TSPAN9: variants seen among roughly 807,000 people sequenced by gnomAD.
TSPAN9 encodes the protein tetraspanin 9, also known as tetraspanin-9.
In TSPAN9, 16 loss-of-function variants were observed where a neutral mutation model predicts 31.0. That is an observed-to-expected ratio of 0.52 (90% confidence interval 0.35 to 0.78). The LOEUF is 0.78. Ranked by LOEUF, TSPAN9 falls within the 30% of genes least tolerant of loss-of-function variation. The pLI, the probability that TSPAN9 is intolerant of heterozygous loss-of-function variation, is 0.01. For synonymous variants in TSPAN9, 145 were observed against 121.6 expected (o/e 1.19, Z -1.27); for missense variants, 272 against 312.5 (o/e 0.87, Z 0.98).
intron 3 of TSPAN9, among the ~76,000 whole-genome samples, chr12:3,258,503 A>G (rs1175129893): frequency 6.6e-6 from 1 of 152,194 alleles, no homozygotes; most frequent in Non-Finnish European, 1.5e-5. Context: ...GTCTTCTGGC[A>G]GCAATGAAGA....
At chr12:3,139,930 A>G (rs2098333980) in intron 2 of TSPAN9, among the ~76,000 whole-genome samples, 1 of 152,146 alleles carries the variant, frequency 6.6e-6, no homozygotes, top group Admixed American at 6.5e-5. Flanking sequence ...CGTTGCACCC[A>G]CGTGGCCTCC....
intron 2 of TSPAN9, among the ~76,000 whole-genome samples, chr12:3,181,871 G>A (rs1051379688): frequency 5.9e-5 from 9 of 152,076 alleles, no homozygotes; most frequent in Non-Finnish European, 8.8e-5. Flanking sequence ...CACCTGCAGC[G>A]TCCCATGGGT....
intron 2 of TSPAN9, among the ~76,000 whole-genome samples, chr12:3,092,743 C>T (rs942086134): frequency 2.6e-5 from 4 of 152,220 alleles, no homozygotes; most frequent in African/African-American, 4.8e-5. Context: ...TTGGATGTCC[C>T]CGTAAGGACA....
chr12:3,253,631 C>T (rs541936772), intron 3 of TSPAN9, among the ~76,000 whole-genome samples: 11 of 152,338 alleles, frequency 7.2e-5, no homozygotes, highest in African/African-American at 2.2e-4. Context: ...AGCGATCAGC[C>T]CAGGTCCACT....
intron 4 of TSPAN9, 63 bp downstream of exon 4, chr12:3,278,675 G>A (rs1862841094): frequency 6.4e-7 from 1 of 1,568,180 alleles, no homozygotes; most frequent in African/African-American, 1.4e-5. Context: ...GGACCCCTGG[G>A]ACAGGCAAGA....
intron 2 of TSPAN9, among the ~76,000 whole-genome samples, chr12:3,111,905 C>G (rs1054812199): frequency 7.2e-5 from 11 of 152,180 alleles, no homozygotes; most frequent in Non-Finnish European, 1.0e-4. Flanking sequence ...AGCCACTGCA[C>G]TCAGCTGCAT....
At chr12:3,158,889 G>A (rs2098343692) in intron 2 of TSPAN9, among the ~76,000 whole-genome samples, 1 of 151,864 alleles carries the variant, frequency 6.6e-6, no homozygotes, top group Non-Finnish European at 1.5e-5. Context: ...GGATTAGCTG[G>A]AGTGCCAGCT....
Position 3,147,553 on chromosome 12 carries a change from G to A in TSPAN9, c.-17-53624G>A, listed in dbSNP as rs1480731793. 1.3e-5 allele frequency among the ~76,000 whole-genome samples: 2 copies of A among 152,014 alleles called. No homozygotes were observed. The highest frequency in any genetic ancestry group is 2.4e-5 in the African/African-American group (1 of 41,296). ...GCCACCTAGGGCCTGTTCTGCCCCC[G>A]AAGAGAGAGAACCAGCCAGCCCAGT... is the stretch of plus-strand genomic sequence containing the variant. On this transcript the variant is annotated intron_variant, in intron 2 of 8. Transcript: ENST00000011898. The surrounding 1 kb of genome is among the most constrained non-coding windows in gnomAD (Gnocchi z 4.3).
intron 3 of TSPAN9, among the ~76,000 whole-genome samples, chr12:3,256,381 C>T (rs748648793): frequency 7.2e-5 from 11 of 152,232 alleles, no homozygotes; most frequent in African/African-American, 2.7e-4. Flanking sequence ...CGCAGGGGTC[C>T]GGCAGTCGCA....
intron 2 of TSPAN9, among the ~76,000 whole-genome samples, chr12:3,154,180 C>T (rs1023330604): frequency 1.3e-5 from 2 of 152,066 alleles, no homozygotes; most frequent in African/African-American, 2.4e-5. Flanking sequence ...AAATACCAGC[C>T]GGAAGTCAGG....
intron 3 of TSPAN9, among the ~76,000 whole-genome samples, chr12:3,256,885 G>A (rs1862357861): frequency 3.9e-5 from 6 of 152,202 alleles, no homozygotes; most frequent in Admixed American, 3.9e-4. Flanking sequence ...GGGGAGGACT[G>A]TCCTGGGATA....
intron 2 of TSPAN9, among the ~76,000 whole-genome samples, chr12:3,155,924 C>G (rs755236702): frequency 6.6e-6 from 1 of 152,052 alleles, no homozygotes; most frequent in Admixed American, 6.6e-5. Flanking sequence ...TTCAGGACGC[C>G]GAAAGGACTT....
intron 2 of TSPAN9, among the ~76,000 whole-genome samples, chr12:3,119,175 C>G (rs2098323966): frequency 6.6e-6 from 1 of 152,178 alleles, no homozygotes; most frequent in African/African-American, 2.4e-5. Flanking sequence ...TCTCTGCCCT[C>G]AGGATGCTTA....
At chr12:3,259,859 G>T (rs1244188815) in intron 3 of TSPAN9, among the ~76,000 whole-genome samples, 1 of 152,258 alleles carries the variant, frequency 6.6e-6, no homozygotes. Flanking sequence ...TGGCTGCTCT[G>T]TGGGGAATGG....
intron 2 of TSPAN9, among the ~76,000 whole-genome samples, chr12:3,125,987 C>A (rs1156763297): frequency 6.6e-6 from 1 of 152,160 alleles, no homozygotes; most frequent in Admixed American, 6.5e-5. Context: ...ACAATAGAGA[C>A]TTCTGTTGCG....
intron 3 of TSPAN9, among the ~76,000 whole-genome samples, chr12:3,201,753 T>C (rs1016306695): frequency 1.3e-5 from 2 of 152,158 alleles, no homozygotes; most frequent in South Asian, 2.1e-4. Context: ...AGAGGCCACA[T>C]GTTCCCACTC....
intron 2 of TSPAN9, among the ~76,000 whole-genome samples, chr12:3,186,405 A>G (rs1379248578): frequency 6.6e-6 from 1 of 152,144 alleles, no homozygotes; most frequent in Non-Finnish European, 1.5e-5. Flanking sequence ...GGAGGTTTAC[A>G]GGAGCTGAGA....
rs1448106550 is a variant in TSPAN9 at position 3,282,213 on chromosome 12, C to T, written c.648+396C>T. On this transcript the variant is annotated intron_variant, in intron 8 of 8. Coordinates refer to ENST00000011898, the MANE Select transcript of TSPAN9 (RefSeq NM_006675.5). ...GTGGTGACCGTGAGACCACACCGGG[C>T]TTCCTTCTGCCTCCTGCACTCCTCT... is the stretch of plus-strand genomic sequence containing the variant. 8.6e-6 allele frequency: 5 copies of T among 579,684 alleles called. No homozygotes were observed. The East Asian group carries it at 1.4e-4, about 16-fold the overall frequency. 35.9% of individuals were successfully genotyped at this position (579,684 alleles called of 1,614,324 possible).
In TSPAN9 at chr12:3,147,302, A is replaced by G. The variant is rs1450870096; in HGVS notation, c.-17-53875A>G. ...GAGGAGCCCGCCAGGGGCTGGAGAG[A>G]ATGACAGGCGTCCCATGTATCCCAA... is the stretch of plus-strand genomic sequence containing the variant. On this transcript the variant is annotated intron_variant, in intron 2 of 8. Coordinates refer to ENST00000011898, the MANE Select transcript of TSPAN9 (RefSeq NM_006675.5). The surrounding 1 kb of genome is among the most constrained non-coding windows in gnomAD (Gnocchi z 4.3). Among the ~76,000 whole-genome samples the G allele has an allele frequency of 6.6e-6, 1 of 151,998 alleles. No homozygotes were observed. The highest frequency in any genetic ancestry group is 1.5e-5 in the Non-Finnish European group (1 of 67,976).
Sources: gnomAD v4.1 joint callset for allele counts (sites outside exome capture counted in the v4.1 genomes callset) on GRCh38, gnomAD v4.1.1 for gene constraint, Gnocchi (gnomAD v3.1) non-coding constraint, MANE v1.5 for transcripts, NCBI Gene and HGNC (gene_info 2026-07-23, HGNC 2026-07-21) for gene names.